The following SYNE1 variants were observed in gnomAD, a reference collection of about 807,000 sequenced individuals.
SYNE1 encodes the protein nesprin-1.
SYNE1 carries 616 observed loss-of-function variants against 1,111.0 expected under a neutral mutation model. The observed-to-expected ratio is 0.55, with a 90% confidence interval of 0.52 to 0.59. The LOEUF is 0.59. SYNE1 is among the 20% of genes least tolerant of loss of function. SYNE1 has a pLI of 0.00. For missense variants in SYNE1, 10,006 were observed against 10,417.0 expected (o/e 0.96, Z 1.72); for synonymous variants, 3,855 against 3,825.8 (o/e 1.01, Z -0.28).
intron 9 of SYNE1, among the ~76,000 whole-genome samples, chr6:152,504,593 T>C (rs1048189357): frequency 2.6e-5 from 4 of 152,194 alleles, no homozygotes; most frequent in Admixed American, 2.6e-4. Flanking sequence ...TCTGTGACAT[T>C]TGGAAACTTC....
chr6:152,598,972 T>C (rs1272657779), intron 3 of SYNE1, among the ~76,000 whole-genome samples: 2 of 152,238 alleles, frequency 1.3e-5, no homozygotes, highest in Non-Finnish European at 2.9e-5. Flanking sequence ...TCTTTCTTAA[T>C]AGATCAGAGG....
chr6:152,236,346 T>A, intron 109 of SYNE1, 43 bp from the exon 110 acceptor site: 1 of 1,447,422 alleles, frequency 6.9e-7, no homozygotes, highest in Admixed American at 1.8e-5. Flanking sequence ...GGATATGCAA[T>A]TTTTGTCTTT....
chr6:152,560,125 G>A (rs1477573376), intron 3 of SYNE1, among the ~76,000 whole-genome samples: 3 of 152,122 alleles, frequency 2.0e-5, no homozygotes, highest in Admixed American at 6.5e-5. Flanking sequence ...GGCCGAGGTG[G>A]GCAGATCACT....
At chr6:152,385,621 G>T (rs991434604) in intron 55 of SYNE1, 53 bp downstream of exon 55, 3 of 1,591,826 alleles carry the variant, frequency 1.9e-6, no homozygotes, top group South Asian at 1.1e-5. Context: ...TTTATCAAAA[G>T]TACTCAAGAA....
rs368106784 is a variant in SYNE1 at position 152,408,163 on chromosome 6, G to A, written c.6540+905C>T. Among the ~76,000 whole-genome samples, 51 of 152,248 alleles carry A rather than the reference G, an allele frequency of 3.3e-4. 1 individual carries two copies. The South Asian group carries it at 8.1e-3, about 24-fold the overall frequency. Reference sequence around the variant, plus strand: ...TATCAAAGTCTAACTGGTAAATTTAGCTTAAGTAGGGGAACCACTGTACAT... The same window carrying A: ...TATCAAAGTCTAACTGGTAAATTTAACTTAAGTAGGGGAACCACTGTACAT... On this transcript the variant is annotated intron_variant, in intron 44 of 145. Transcript: ENST00000367255.
At chr6:152,617,085 T>C (rs1210562730) in intron 3 of SYNE1, among the ~76,000 whole-genome samples, 3 of 152,172 alleles carry the variant, frequency 2.0e-5, no homozygotes, top group Non-Finnish European at 4.4e-5. Flanking sequence ...CTGAAGTCCC[T>C]CAAATATCTA....
intron 4 of SYNE1, among the ~76,000 whole-genome samples, chr6:152,531,500 G>A (rs555598065): frequency 6.6e-6 from 1 of 152,222 alleles, no homozygotes; most frequent in African/African-American, 2.4e-5. Context: ...TTTTAAATGT[G>A]CTAAAATACA....
At chr6:152,430,839 C>A in intron 34 of SYNE1, 130 bp from the exon 35 acceptor site, 1 of 887,332 alleles carries the variant, frequency 1.1e-6, no homozygotes, top group Non-Finnish European at 1.8e-6. Context: ...TAGAGCGCAG[C>A]TGTGAGCAAA....
Position 152,483,130 on chromosome 6 carries a change from G to T in SYNE1, c.1305C>A (p.His435Gln). The T allele has an allele frequency of 1.2e-6, 2 of 1,614,148 alleles. No individual in the cohort carries two copies. The highest frequency in any genetic ancestry group is 8.5e-7 in the Non-Finnish European group (1 of 1,180,030). ...LREEITVQQV[H>Q]EETANTIQRK... ...GTTGTATCGTGTTTGCTGTTTCCTC[G>T]TGGACCTGTTGAACGGTTATTTCCT... Residue 435 changes from histidine to glutamine, a missense_variant, in exon 14 of 146, where the codon CAC becomes CAA. Physicochemically the swap from His to Gln is conservative, Grantham distance 24. Around this residue, in one of 7 missense-constraint regions of SYNE1, gnomAD observed 1,971 missense variants for 2,084.1 expected, o/e 0.95. Coordinates refer to ENST00000367255, the MANE Select transcript of SYNE1 (RefSeq NM_182961.4).
intron 132 of SYNE1, 57 bp from the exon 133 acceptor site, chr6:152,155,099 A>G (rs2061143418): frequency 1.9e-6 from 3 of 1,608,196 alleles, no homozygotes; most frequent in Non-Finnish European, 2.6e-6. Flanking sequence ...TTCGCTCCAG[A>G]ACCCGGTCTG....
intron 12 of SYNE1, among the ~76,000 whole-genome samples, chr6:152,487,591 A>T (rs147017756): frequency 1.1e-4 from 17 of 152,356 alleles, no homozygotes; most frequent in African/African-American, 4.1e-4. Context: ...GGAGAAAAAC[A>T]TTAACTCTGA....
rs575845950 is a variant in SYNE1 at position 152,122,440 on chromosome 6, A to C, written c.26390T>G (p.Leu8797Arg). The C allele has an allele frequency of 6.2e-7, 1 of 1,614,010 alleles. No individual in the cohort carries two copies. Among genetic ancestry groups the C allele is most frequent in the Admixed American group, 1.7e-5 (1 of 60,018 alleles). ...MLRYTNGPPP[L>R] Reference sequence around the variant, plus strand: ...TGCAGATGGCATCTGCTTAGTTCAGAGTGGAGGAGGGCCATTCGTGTATCT... The same window carrying C: ...TGCAGATGGCATCTGCTTAGTTCAGCGTGGAGGAGGGCCATTCGTGTATCT... The change falls in exon 146 of 146, where the codon CTC (leucine) becomes CGC (arginine). Residue 8797 changes from leucine to arginine, a missense_variant. Coordinates refer to ENST00000367255, the MANE Select transcript of SYNE1 (RefSeq NM_182961.4).
In SYNE1 at chr6:152,450,722, T is replaced by C. The variant is rs756137323; in HGVS notation, c.3298A>G (p.Thr1100Ala). ...AGCTCTTTGAGAGTCACGTGACAGGTTCCAGGTGTGTCCCTTACTGGGTCC... is the reference window on the plus strand; with the variant it reads ...AGCTCTTTGAGAGTCACGTGACAGGCTCCAGGTGTGTCCCTTACTGGGTCC... Reference protein sequence around the residue: ...VRDPVRDTPGTCHVTLKELRA... With the variant: ...VRDPVRDTPGACHVTLKELRA... Residue 1100 changes from threonine (T) to alanine (A), a missense_variant, in exon 27 of 146, where the codon ACC (threonine) becomes GCC (alanine). By Grantham distance (58) the Thr-to-Ala change is moderately conservative. Transcript: ENST00000367255. The C allele has an allele frequency of 9.9e-6, 16 of 1,614,128 alleles. No individual in the cohort carries two copies. In the South Asian group the frequency reaches 1.8e-4, roughly 18 times the overall value.
Position 152,347,198 on chromosome 6 carries a change from A to G in SYNE1, c.11939T>C (p.Leu3980Ser). 6.2e-7 allele frequency: 1 copy of G among 1,614,234 alleles called. No homozygotes were observed. The change falls in exon 73 of 146, where the codon TTG becomes TCG. Residue 3980 changes from leucine (L) to serine (S), a missense_variant. Physicochemically the swap from Leu to Ser is moderately radical, Grantham distance 145 (BLOSUM62 -2). Coordinates refer to ENST00000367255, the MANE Select transcript of SYNE1 (RefSeq NM_182961.4). The stretch of plus-strand genomic sequence containing the variant: ...ATCACCTTTCATTTGAAGATTGTTC[A>G]AACGGTCTTCAAAACCAGCAATTTC... ...MEEIAGFEDR[L>S]NNLQMKGDTL...
At chr6:152,554,191 C>T (rs1466255159) in intron 3 of SYNE1, among the ~76,000 whole-genome samples, 1 of 152,032 alleles carries the variant, frequency 6.6e-6, no homozygotes, top group Non-Finnish European at 1.5e-5. Context: ...AACTACTAAG[C>T]TCTAAAAATT....
chr6:152,421,814 T>C (rs1261025224), intron 39 of SYNE1, among the ~76,000 whole-genome samples: 3 of 151,958 alleles, frequency 2.0e-5, no homozygotes, highest in African/African-American at 7.3e-5. Flanking sequence ...CAAGAGATTC[T>C]CCTGCCTCAG....
intron 3 of SYNE1, among the ~76,000 whole-genome samples, chr6:152,619,173 G>C (rs2099669427): frequency 6.6e-6 from 1 of 152,120 alleles, no homozygotes; most frequent in South Asian, 2.1e-4. Context: ...AGATATATGA[G>C]GGATTTGTCA....
intron 58 of SYNE1, among the ~76,000 whole-genome samples, chr6:152,375,293 T>C (rs570552924): frequency 1.4e-4 from 22 of 152,274 alleles, no homozygotes; most frequent in African/African-American, 5.1e-4. Context: ...TGTCCTGTTA[T>C]ATTAAGTTAT....
At chr6:152,475,099 A>T (rs1308078322) in intron 14 of SYNE1, among the ~76,000 whole-genome samples, 1 of 152,214 alleles carries the variant, frequency 6.6e-6, no homozygotes, top group South Asian at 2.1e-4. Context: ...TTTACAAAAG[A>T]TACACCTAAT....
Sources: gnomAD v4.1 joint callset for allele counts (sites outside exome capture counted in the v4.1 genomes callset) on GRCh38, gnomAD v4.1.1 for gene constraint, gnomAD v4.1.1 regional missense constraint, MANE v1.5 for transcripts, NCBI Gene and HGNC (gene_info 2026-07-23, HGNC 2026-07-21) for gene names.